Variants in OTOA observed in about 807,000 individuals in gnomAD.
The protein encoded by OTOA is otoancorin.
OTOA carries 70 observed loss-of-function variants against 110.8 expected under a neutral mutation model. The observed-to-expected ratio is 0.63, with a 90% CI of 0.52 to 0.77. The LOEUF is 0.77. Among genes scored for constraint, OTOA ranks in the 30% least tolerant of loss-of-function variants. OTOA has a pLI of 0.00. For synonymous variants in OTOA, 373 were observed against 431.5 expected, an observed-to-expected ratio of 0.86 and a Z score of 1.68; for missense variants, 917 against 1,075.8, an observed-to-expected ratio of 0.85 and a Z score of 2.06.
intron 19 of OTOA, chr16:21,727,117 A>AGCAGTT: frequency 5.2e-6 from 1 of 190,850 alleles, no homozygotes; most frequent in Non-Finnish European, 1.1e-5. Flanking sequence ...CCCAGGTTCA[A>AGCAGTT]CTGATTCTCC....
Position 21,710,081 on chromosome 16 carries a change from C to G in OTOA, c.1298C>G (p.Ala433Gly). Residue 433 changes from alanine (A) to glycine (G), a missense_variant, in exon 13 of 29, where the codon GCC becomes GGC. Ala to Gly is a moderately conservative substitution (Grantham distance 60, BLOSUM62 0). Transcript: ENST00000646100. ...WAKSQVIILS[A>G]KYLAHEKVLS... ...AAGAGCCAGGTCATCATCTTGTCTG[C>G]CAAATACTTGGCCCATGAGAAGGTC... is the stretch of plus-strand genomic sequence containing the variant. 6.2e-7 allele frequency: 1 copy of G among 1,613,460 alleles called. No homozygotes were observed. Among genetic ancestry groups the G allele is most frequent in the Non-Finnish European group, 8.5e-7 (1 of 1,179,794 alleles).
intron 19 of OTOA, among the ~76,000 whole-genome samples, chr16:21,727,989 C>T (rs1166987645): frequency 2.6e-5 from 4 of 151,794 alleles, no homozygotes; most frequent in Non-Finnish European, 4.4e-5. Flanking sequence ...CTCAGCCTCT[C>T]GAGTAGCTGG....
chr16:21,685,101 C>A lies in OTOA; in HGVS notation c.268-129C>A, dbSNP rs541456162. ...TGAGGAAATTTGGAGGTGGCCAAAC[C>A]AGACTGCTGGCCACTAGTTGTGGTC... On this transcript the variant is annotated intron_variant, in intron 6 of 28. Coordinates refer to ENST00000646100, the MANE Select transcript of OTOA (RefSeq NM_144672.4). The A allele has an allele frequency of 8.2e-4, 1,098 of 1,340,078 alleles. 2 individuals carry two copies. The highest frequency in any genetic ancestry group is 1.1e-3 in the Non-Finnish European group (1,014 of 957,048). The allele number at this position is 1,340,078 out of a possible 1,614,324, so 83.0% of individuals were successfully genotyped here. A position where few individuals can be genotyped will look rare whatever the true frequency, so the allele number is the denominator to read the frequency against.
chr16:21,714,487 T>C (rs955595381), intron 13 of OTOA, among the ~76,000 whole-genome samples: 1 of 130,276 alleles, frequency 7.7e-6, no homozygotes, highest in African/African-American at 2.8e-5. Context: ...TTCCTCTCCC[T>C]CTCTCTCTCT....
intron 18 of OTOA, 33 bp from the exon 19 acceptor site, chr16:21,726,490 G>T (rs377408284): frequency 1.9e-6 from 3 of 1,612,452 alleles, no homozygotes; most frequent in Non-Finnish European, 2.5e-6. Flanking sequence ...GCAGCCATGT[G>T]TTCCTCCTCT....
intron 13 of OTOA, among the ~76,000 whole-genome samples, chr16:21,710,735 G>A (rs1462144714): frequency 6.6e-6 from 1 of 152,180 alleles, no homozygotes. Context: ...GGGCAAGGTG[G>A]CTCACACCTG....
In OTOA at chr16:21,667,110, G is replaced by A. The variant is rs1441976919; in HGVS notation, c.-5+2878G>A. 2.6e-5 allele frequency among the ~76,000 whole-genome samples: 4 copies of A among 152,270 alleles called. No homozygotes were observed. The East Asian group carries it at 7.7e-4, about 29-fold the overall frequency. On this transcript the variant is annotated intron_variant, in intron 1 of 28. Transcript: ENST00000646100. ...ACCAGGAAGACTTCTAATTGGAGTT[G>A]AGCATTCCAGTTACAGGATGGTGAT...
chr16:21,701,602 A>T (rs1663218546), intron 11 of OTOA, among the ~76,000 whole-genome samples: 1 of 151,082 alleles, frequency 6.6e-6, no homozygotes, highest in Non-Finnish European at 1.5e-5. Context: ...ACAGCTCAAT[A>T]CTCCCTCCTT....
At chr16:21,719,069 G>A in intron 15 of OTOA, 64 bp from the exon 16 acceptor site, 1 of 1,481,164 alleles carries the variant, frequency 6.8e-7, no homozygotes, top group Admixed American at 1.7e-5. Context: ...TCCTGATAGG[G>A]CCTCACAGTG....
chr16:21,730,790 C>A (rs756319990), intron 20 of OTOA, 47 bp from the exon 21 acceptor site: 3 of 982,382 alleles, frequency 3.1e-6, no homozygotes, highest in Non-Finnish European at 4.9e-6. Context: ...CAACAGATGT[C>A]CACCACAGCA....
Position 21,710,144 on chromosome 16 carries a change from G to T in OTOA, c.1320+41G>T. The T allele has an allele frequency of 2.6e-6, 4 of 1,534,740 alleles. No homozygotes were observed. The South Asian group carries it at 4.7e-5, about 18-fold the overall frequency. On this transcript the variant is annotated intron_variant, in intron 13 of 28. Coordinates refer to ENST00000646100, the MANE Select transcript of OTOA (RefSeq NM_144672.4). ...AAACTCTTTTTTATTCCCCTAAGAT[G>T]ACCTAAGTGTATTAGACCTGCCAGG...
intron 1 of OTOA, among the ~76,000 whole-genome samples, chr16:21,671,446 G>T (rs1966848875): frequency 6.6e-6 from 1 of 151,766 alleles, no homozygotes; most frequent in Non-Finnish European, 1.5e-5. Context: ...ACTTAGCCTG[G>T]TGTGGTGGTG....
At chr16:21,682,939 T>C (rs1315607922) in intron 6 of OTOA, among the ~76,000 whole-genome samples, 1 of 152,218 alleles carries the variant, frequency 6.6e-6, no homozygotes, top group African/African-American at 2.4e-5. Flanking sequence ...TTTCTTTTCT[T>C]CTTCATCAGT....
chr16:21,666,346 G>T (rs1296461303), intron 1 of OTOA, among the ~76,000 whole-genome samples: 1 of 150,474 alleles, frequency 6.6e-6, no homozygotes, highest in Non-Finnish European at 1.5e-5. Flanking sequence ...CTTGCAGACA[G>T]TGAAACTCCA....
chr16:21,719,079 G>A, intron 15 of OTOA, 54 bp from the exon 16 acceptor site: 1 of 1,535,666 alleles, frequency 6.5e-7, no homozygotes, highest in East Asian at 2.2e-5. Flanking sequence ...GCCTCACAGT[G>A]TTGGGCACAC....
chr16:21,752,275 G>T, intron 25 of OTOA, 94 bp from the exon 26 acceptor site: 2 of 802,750 alleles, frequency 2.5e-6, no homozygotes, highest in Non-Finnish European at 4.1e-6. Flanking sequence ...TGCAGTGTGT[G>T]TGTGTATGTG....
chr16:21,678,443 T>C, intron 1 of OTOA, 68 bp from the exon 2 acceptor site: 4 of 927,034 alleles, frequency 4.3e-6, no homozygotes, highest in Non-Finnish European at 6.7e-6. Flanking sequence ...TGTATATATA[T>C]GTGTGTGTGT....
At chr16:21,707,403 C>T (rs1041856546) in intron 12 of OTOA, among the ~76,000 whole-genome samples, 4 of 151,940 alleles carry the variant, frequency 2.6e-5, no homozygotes, top group African/African-American at 9.7e-5. Context: ...CAGCTTGTGG[C>T]AGCGCTCCAG....
At chr16:21,688,279 T>C (rs1281072917) in intron 8 of OTOA, among the ~76,000 whole-genome samples, 1 of 152,006 alleles carries the variant, frequency 6.6e-6, no homozygotes, top group East Asian at 1.9e-4. Flanking sequence ...TCTCAGCTAC[T>C]TGGGAGGCTT....
Sources: gnomAD v4.1 joint callset for allele counts (sites outside exome capture counted in the v4.1 genomes callset) on GRCh38, gnomAD v4.1.1 for gene constraint, MANE v1.5 for transcripts, NCBI Gene and HGNC (gene_info 2026-07-23, HGNC 2026-07-21) for gene names.